Variants in NAV2 observed in about 807,000 individuals in gnomAD.
The protein encoded by NAV2 is helicase, APC down-regulated 1.
NAV2 carries 54 observed loss-of-function variants against 223.2 expected under a neutral mutation model. That is an observed-to-expected ratio of 0.24 (90% confidence interval 0.19 to 0.30). The LOEUF is 0.30. Among genes scored for constraint, NAV2 ranks in the 10% least tolerant of loss-of-function variants. NAV2 has a pLI of 1.00. For synonymous variants in NAV2, 1,279 were observed against 1,239.3 expected (o/e 1.03, Z -0.67); for missense variants, 2,806 against 3,147.5 (o/e 0.89, Z 2.60).
intron 4 of NAV2, among the ~76,000 whole-genome samples, chr11:19,875,481 G>T (rs2062783003): frequency 1.3e-5 from 2 of 152,180 alleles, no homozygotes; most frequent in South Asian, 2.1e-4. Flanking sequence ...AATGCCTATT[G>T]CTTGCACACC....
intron 1 of NAV2, among the ~76,000 whole-genome samples, chr11:19,609,186 T>C (rs1240800690): frequency 6.6e-6 from 1 of 152,210 alleles, no homozygotes; most frequent in Non-Finnish European, 1.5e-5. Context: ...AGTACACCAG[T>C]ACAGGCATTT....
chr11:19,697,834 G>A (rs2049394094), intron 1 of NAV2, among the ~76,000 whole-genome samples: 1 of 152,214 alleles, frequency 6.6e-6, no homozygotes. Flanking sequence ...GCAGCTCCGT[G>A]CTGAGTGGGG....
intron 1 of NAV2, among the ~76,000 whole-genome samples, chr11:19,598,697 A>T (rs1039499726): frequency 6.6e-6 from 1 of 152,196 alleles, no homozygotes; most frequent in African/African-American, 2.4e-5. Flanking sequence ...CACCCAGCCC[A>T]TATGTGGCAG....
rs772930569 is a variant in NAV2, at chr11:19,948,879, A to AG, written c.2444_2445insG (p.Asn815LysfsTer3). ...CGAGCCAACGCCAGCAGGTTCATCA[A>AG]CACTGAGTCAGGTCGCTATGTGTAC... On this transcript the variant is annotated frameshift_variant, in exon 10 of 38. Transcript: ENST00000349880. LOFTEE classifies it high-confidence loss of function. 1.2e-6 allele frequency: 2 copies of AG among 1,614,072 alleles called. No individual in the cohort carries two copies. The highest frequency in any genetic ancestry group is 3.3e-5 in the Admixed American group (2 of 60,016).
intron 11 of NAV2, among the ~76,000 whole-genome samples, chr11:19,987,738 T>G (rs973640122): frequency 5.3e-5 from 8 of 152,222 alleles, no homozygotes; most frequent in Admixed American, 1.3e-4. Flanking sequence ...GATAGTAAAG[T>G]GTGCCCTTGA....
chr11:19,610,778 A>T (rs1206521264), intron 1 of NAV2, among the ~76,000 whole-genome samples: 1 of 151,830 alleles, frequency 6.6e-6, no homozygotes, highest in Non-Finnish European at 1.5e-5. Context: ...GGATAAGTGG[A>T]TGGACAGATG....
intron 25 of NAV2, among the ~76,000 whole-genome samples, chr11:20,081,117 C>T (rs1006401438): frequency 6.6e-6 from 1 of 152,090 alleles, no homozygotes; most frequent in Non-Finnish European, 1.5e-5. Flanking sequence ...GGATGGGTGG[C>T]GAGGTCTAGT....
At chr11:19,783,548 T>C (rs2056894839) in intron 1 of NAV2, among the ~76,000 whole-genome samples, 1 of 152,230 alleles carries the variant, frequency 6.6e-6, no homozygotes, top group Non-Finnish European at 1.5e-5. Context: ...AACCCTCGTC[T>C]GATTCTCTAA....
At chr11:19,582,798 G>A (rs1375367748) in intron 1 of NAV2, among the ~76,000 whole-genome samples, 18 of 151,810 alleles carry the variant, frequency 1.2e-4, no homozygotes, top group Non-Finnish European at 1.9e-4. Context: ...GTCAGGTAGT[G>A]TGATGTCTCC....
intron 11 of NAV2, among the ~76,000 whole-genome samples, chr11:20,033,603 C>G (rs2056015300): frequency 6.6e-6 from 1 of 152,174 alleles, no homozygotes. Flanking sequence ...AGCCCTCACT[C>G]TCCCTGCCTC....
chr11:19,363,992 T>C (rs1362388219), intron 1 of NAV2, among the ~76,000 whole-genome samples: 6 of 152,126 alleles, frequency 3.9e-5, no homozygotes, highest in African/African-American at 9.7e-5. Flanking sequence ...CTGAATCTCA[T>C]GGTTTATGGA....
intron 1 of NAV2, among the ~76,000 whole-genome samples, chr11:19,780,605 C>T (rs933099514): frequency 6.6e-6 from 1 of 152,230 alleles, no homozygotes; most frequent in Non-Finnish European, 1.5e-5. Flanking sequence ...TGACATGGGC[C>T]AGTTGCTTTA....
intron 11 of NAV2, among the ~76,000 whole-genome samples, chr11:19,995,012 C>T (rs1340667569): frequency 3.9e-5 from 6 of 152,156 alleles, no homozygotes; most frequent in Non-Finnish European, 7.3e-5. Flanking sequence ...TGAAGGCACA[C>T]ATTATTTATT....
At chr11:19,600,702 T>A (rs1245676830) in intron 1 of NAV2, among the ~76,000 whole-genome samples, 4 of 152,352 alleles carry the variant, frequency 2.6e-5, no homozygotes, top group African/African-American at 9.6e-5. Flanking sequence ...TAGTAACTAC[T>A]TTGTAGTATT....
intron 10 of NAV2, among the ~76,000 whole-genome samples, chr11:19,950,753 T>C (rs117261242): frequency 0.034 from 5,243 of 152,304 alleles, 109 homozygotes; most frequent in Non-Finnish European, 0.047. Flanking sequence ...GGCAGATTCA[T>C]TGGAGAAAGG....
intron 1 of NAV2, among the ~76,000 whole-genome samples, chr11:19,357,973 G>GA (rs574867579): frequency 2.0e-5 from 3 of 151,806 alleles, no homozygotes; most frequent in Admixed American, 1.3e-4. Flanking sequence ...TCAGCACCAG[G>GA]AAAAAAAACC....
chr11:19,399,195 C>T (rs1047306474), intron 1 of NAV2, among the ~76,000 whole-genome samples: 1 of 152,046 alleles, frequency 6.6e-6, no homozygotes, highest in Admixed American at 6.5e-5. Context: ...TCTGTGTTCC[C>T]CTGTGTCTTA....
chr11:19,652,550 A>G, intron 1 of NAV2, among the ~76,000 whole-genome samples: 1 of 151,830 alleles, frequency 6.6e-6, no homozygotes, highest in East Asian at 1.9e-4. Context: ...TCTTCCCCCC[A>G]CTCCACGCCC....
intron 1 of NAV2, among the ~76,000 whole-genome samples, chr11:19,482,023 G>A (rs899605382): frequency 2.6e-5 from 4 of 152,174 alleles, no homozygotes; most frequent in Admixed American, 6.5e-5. Flanking sequence ...TGACTCAGGT[G>A]GAAGATTCTT....
Sources: allele counts gnomAD v4.1 joint callset (sites outside exome capture counted in the v4.1 genomes callset), GRCh38; gene constraint gnomAD v4.1.1; transcripts MANE v1.5; gene names NCBI Gene and HGNC (gene_info 2026-07-23, HGNC 2026-07-21).